Variants in ATP6V0D2 observed in about 807,000 individuals in gnomAD.
ATP6V0D2 encodes V-type proton ATPase subunit d 2.
In ATP6V0D2, 40 loss-of-function variants were observed where a neutral mutation model predicts 40.0. The ratio of observed to expected loss-of-function variants is 1.00; its 90% CI spans 0.78 to 1.30. ATP6V0D2 has a LOEUF of 1.30. Among genes scored for constraint, ATP6V0D2 ranks in the 50% most tolerant of loss-of-function variants. The pLI is 0.00. For missense variants in ATP6V0D2, 470 were observed against 423.1 expected, an observed-to-expected ratio of 1.11 and a Z score of -0.97; for synonymous variants, 179 against 156.3, an observed-to-expected ratio of 1.15 and a Z score of -1.08.
rs1367987535 is a variant in ATP6V0D2 at position 86,153,642 on chromosome 8, A to T, written c.*665A>T. 6.6e-6 allele frequency: 1 copy of T among 152,178 alleles called. No homozygotes were observed. The highest frequency in any genetic ancestry group is 1.5e-5 in the Non-Finnish European group (1 of 68,128). 9.4% of individuals were successfully genotyped at this position (152,178 alleles called of 1,614,324 possible). On this transcript the variant is annotated 3_prime_UTR_variant, in exon 8 of 8. Transcript: ENST00000285393. Reference sequence around the variant, plus strand: ...CCAAAGTGTTGGGATTACATGCATGAGCCACTGTGCTGGGCTTCATTTACA... The same window carrying T: ...CCAAAGTGTTGGGATTACATGCATGTGCCACTGTGCTGGGCTTCATTTACA...
At chr8:86,118,235 A>ATT (rs148228172) in intron 2 of ATP6V0D2, among the ~76,000 whole-genome samples, 57 of 81,312 alleles carry the variant, frequency 7.0e-4, no homozygotes, top group East Asian at 9.0e-4. Context: ...TAATTTTTGT[A>ATT]TTTTTTTTTA....
At chr8:86,151,032 C>T (rs755548020) in intron 6 of ATP6V0D2, among the ~76,000 whole-genome samples, 18 of 152,154 alleles carry the variant, frequency 1.2e-4, no homozygotes, top group Non-Finnish European at 1.6e-4. Context: ...GACTCTTTAG[C>T]GTAATATTAA....
chr8:86,110,532 G>T (rs1000646407), intron 1 of ATP6V0D2, among the ~76,000 whole-genome samples: 2 of 152,232 alleles, frequency 1.3e-5, no homozygotes, highest in African/African-American at 4.8e-5. Context: ...AGCTGTGTGT[G>T]TCCCAGAGTC....
At chr8:86,137,706 A>G (rs1000589044) in intron 2 of ATP6V0D2, among the ~76,000 whole-genome samples, 3 of 152,098 alleles carry the variant, frequency 2.0e-5, no homozygotes, top group African/African-American at 7.2e-5. Context: ...CAAGCCCAGA[A>G]ACCTACACAT....
chr8:86,127,242 G>A (rs1209947187), intron 2 of ATP6V0D2, among the ~76,000 whole-genome samples: 1 of 152,102 alleles, frequency 6.6e-6, no homozygotes, highest in East Asian at 1.9e-4. Flanking sequence ...AGCATATGTG[G>A]TTAGTGCTGG....
intron 5 of ATP6V0D2, among the ~76,000 whole-genome samples, chr8:86,148,630 C>T (rs193090865): frequency 3.2e-4 from 49 of 152,118 alleles, no homozygotes; most frequent in Admixed American, 2.0e-3. Flanking sequence ...TTCCAGGTGA[C>T]GTCAAATCTA....
chr8:86,129,531 G>T (rs1401546541), intron 2 of ATP6V0D2, among the ~76,000 whole-genome samples: 1 of 151,882 alleles, frequency 6.6e-6, no homozygotes, highest in East Asian at 2.0e-4. Context: ...AAAAAAATTG[G>T]CCGGGCACAG....
intron 5 of ATP6V0D2, among the ~76,000 whole-genome samples, chr8:86,146,551 C>T (rs1239535990): frequency 6.6e-6 from 1 of 152,038 alleles, no homozygotes; most frequent in Non-Finnish European, 1.5e-5. Flanking sequence ...CAGAAATTAA[C>T]CGGGCATGGT....
chr8:86,145,051 T>C (rs1002055001), intron 5 of ATP6V0D2, among the ~76,000 whole-genome samples: 13 of 150,684 alleles, frequency 8.6e-5, no homozygotes, highest in African/African-American at 2.7e-4. Context: ...TAATCCCAGC[T>C]TCTTGTGAGG....
intron 1 of ATP6V0D2, among the ~76,000 whole-genome samples, chr8:86,110,368 T>C (rs544607043): frequency 1.6e-3 from 242 of 152,362 alleles, no homozygotes; most frequent in African/African-American, 5.7e-3. Context: ...GTGCTGGGAT[T>C]ACAGGCGTGG....
chr8:86,104,131 T>C (rs756554083), intron 1 of ATP6V0D2, among the ~76,000 whole-genome samples: 4 of 152,154 alleles, frequency 2.6e-5, no homozygotes, highest in Non-Finnish European at 5.9e-5. Flanking sequence ...GCTGGCCTTT[T>C]ATGTGGCATA....
chr8:86,100,571 A>G (rs969771384), intron 1 of ATP6V0D2, among the ~76,000 whole-genome samples: 3 of 152,190 alleles, frequency 2.0e-5, no homozygotes, highest in Non-Finnish European at 2.9e-5. Context: ...TTCCATTAGC[A>G]TTGGAAACAG....
intron 7 of ATP6V0D2, 138 bp downstream of exon 7, chr8:86,151,678 T>C: frequency 1.6e-6 from 1 of 637,310 alleles, no homozygotes; most frequent in Non-Finnish European, 2.7e-6. Context: ...GTCAGTGATG[T>C]ATTATTGCTA....
chr8:86,111,708 C>T (rs1818529292), intron 1 of ATP6V0D2, among the ~76,000 whole-genome samples: 1 of 152,266 alleles, frequency 6.6e-6, no homozygotes, highest in African/African-American at 2.4e-5. Flanking sequence ...ACACAGCATA[C>T]CTGTACTAAG....
intron 2 of ATP6V0D2, among the ~76,000 whole-genome samples, chr8:86,122,504 G>A (rs1028257355): frequency 2.0e-5 from 3 of 152,160 alleles, no homozygotes; most frequent in African/African-American, 7.2e-5. Context: ...CTCAGAACTT[G>A]TAGTGTTGAT....
intron 4 of ATP6V0D2, among the ~76,000 whole-genome samples, chr8:86,142,143 C>G (rs985689950): frequency 6.6e-6 from 1 of 152,168 alleles, no homozygotes; most frequent in Admixed American, 6.5e-5. Flanking sequence ...CACACAGTAA[C>G]TGAACATATA....
chr8:86,106,154 C>T (rs1818468623), intron 1 of ATP6V0D2, among the ~76,000 whole-genome samples: 2 of 151,368 alleles, frequency 1.3e-5, no homozygotes, highest in Admixed American at 1.3e-4. Flanking sequence ...GACAGGGTCT[C>T]ATTCTGTTGC....
chr8:86,109,864 A>C (rs1252743575), intron 1 of ATP6V0D2, among the ~76,000 whole-genome samples: 3 of 152,148 alleles, frequency 2.0e-5, no homozygotes, highest in African/African-American at 4.8e-5. Context: ...CAAGAACCAC[A>C]TTGTCCCTAA....
rs1055378016 is a variant in ATP6V0D2 at position 86,116,620 on chromosome 8, A to T, written c.302+2740A>T. On this transcript the variant is annotated intron_variant, in intron 2 of 7. Coordinates refer to ENST00000285393, the MANE Select transcript of ATP6V0D2 (RefSeq NM_152565.1). ...TTTTTATTTTTTCCGCTTACAAAAA[A>T]ATTTGCAATTAGCTTATTTCCTACG... 3.3e-4 allele frequency among the ~76,000 whole-genome samples: 51 copies of T among 152,316 alleles called. 1 individual carries two copies. The highest frequency in any genetic ancestry group is 1.1e-3 in the African/African-American group (47 of 41,582).
Sources: allele counts gnomAD v4.1 joint callset (sites outside exome capture counted in the v4.1 genomes callset), GRCh38; gene constraint gnomAD v4.1.1; transcripts MANE v1.5; gene names NCBI Gene and HGNC (gene_info 2026-07-23, HGNC 2026-07-21).